The following CAP1 variants were observed in gnomAD, a reference collection of about 807,000 sequenced individuals.
CAP1 encodes adenylyl cyclase-associated protein 1.
A neutral mutation model predicts 58.2 loss-of-function variants in CAP1; 11 were observed. That is an observed-to-expected ratio of 0.19 (90% confidence interval 0.12 to 0.31). CAP1 has a LOEUF of 0.31. CAP1 is among the 10% of genes least tolerant of loss of function. The pLI is 1.00. For synonymous variants in CAP1, 183 were observed against 213.8 expected (o/e 0.86, Z 1.26); for missense variants, 423 against 587.5 (o/e 0.72, Z 2.89).
chr1:40,043,424 C>CT (rs34430942), intron 1 of CAP1, among the ~76,000 whole-genome samples: 18,055 of 152,038 alleles, frequency 0.12, 1,193 homozygotes, highest in East Asian at 0.23. Flanking sequence ...TTTCGAACTC[C>CT]TGACCTCGTG....
At chr1:40,064,053 C>T (rs1337506575) in intron 4 of CAP1, among the ~76,000 whole-genome samples, 174 bp from the exon 5 acceptor site, 1 of 152,110 alleles carries the variant, frequency 6.6e-6, no homozygotes, top group Non-Finnish European at 1.5e-5. Flanking sequence ...TGGAACTCTA[C>T]GAGGAGAGTG....
In CAP1 at chr1:40,061,787, C is replaced by T. The variant is rs556423960; in HGVS notation, c.269C>T (p.Ala90Val). ...TTGGAGCGAGCTCTGTTGGTTACAG[C>T]TTCTCAGTGTCAACAGCCAGCAGAA... ...LKLERALLVTASQCQQPAENK... is the reference protein window; with the variant it reads ...LKLERALLVTVSQCQQPAENK... The change falls in exon 4 of 13, where the codon GCT becomes GTT. Residue 90 changes from alanine (A) to valine (V), a missense_variant. Physicochemically the swap from Ala to Val is moderately conservative, Grantham distance 64. Coordinates refer to ENST00000372805, the MANE Select transcript of CAP1 (RefSeq NM_006367.4). 2.5e-6 allele frequency: 4 copies of T among 1,614,072 alleles called. No individual in the cohort carries two copies. In the African/African-American group the frequency reaches 5.3e-5, roughly 22 times the overall value.
At chr1:40,049,239 T>G (rs1646249324) in intron 1 of CAP1, among the ~76,000 whole-genome samples, 1 of 129,900 alleles carries the variant, frequency 7.7e-6, no homozygotes, top group South Asian at 2.6e-4. Context: ...CAGGCTGGAG[T>G]GCAGTGGCGC....
intron 1 of CAP1, among the ~76,000 whole-genome samples, chr1:40,056,308 T>TTC (rs1186425404): frequency 6.6e-6 from 1 of 151,502 alleles, no homozygotes. Flanking sequence ...GGATTTTTTT[T>TTC]TTTTTGGAGA....
chr1:40,069,536 A>G, intron 8 of CAP1, 154 bp from the exon 9 acceptor site: 1 of 658,496 alleles, frequency 1.5e-6, no homozygotes, highest in Non-Finnish European at 2.7e-6. Context: ...GAGAAGAGAA[A>G]TGATAAAAGT....
In CAP1 at chr1:40,070,482, G is replaced by C. The variant is rs1450513855; in HGVS notation, c.1170G>C (p.Glu390Asp). The change falls in exon 11 of 13, where the codon GAG becomes GAC. Residue 390 changes from glutamate to aspartate, a missense_variant. Coordinates refer to ENST00000372805, the MANE Select transcript of CAP1 (RefSeq NM_006367.4). Reference sequence around the variant, plus strand: ...TCGATGACGTGGTGGGCATTGTGGAGATAATCAACAGTAAGGATGTCAAAG... The same window carrying C: ...TCGATGACGTGGTGGGCATTGTGGACATAATCAACAGTAAGGATGTCAAAG... ...LVFDDVVGIV[E>D]IINSKDVKVQ... The C allele has an allele frequency of 6.2e-7, 1 of 1,614,102 alleles. No homozygotes were observed. The highest frequency in any genetic ancestry group is 1.3e-5 in the African/African-American group (1 of 75,040).
chr1:40,068,335 A>G (rs553978531), intron 8 of CAP1, among the ~76,000 whole-genome samples: 1 of 152,092 alleles, frequency 6.6e-6, no homozygotes, highest in African/African-American at 2.4e-5. Context: ...CAATGGCGCG[A>G]TCTCGGCTCA....
At chr1:40,055,511 G>T (rs567239099) in intron 1 of CAP1, among the ~76,000 whole-genome samples, 1 of 152,086 alleles carries the variant, frequency 6.6e-6, no homozygotes, top group South Asian at 2.1e-4. Flanking sequence ...GTGAAGTCTT[G>T]ATATCCTTTT....
At chr1:40,050,123 A>G (rs958139331) in intron 1 of CAP1, among the ~76,000 whole-genome samples, 1 of 152,114 alleles carries the variant, frequency 6.6e-6, no homozygotes, top group Non-Finnish European at 1.5e-5. Flanking sequence ...CTAATTGCTA[A>G]TTGAAAGGAC....
intron 1 of CAP1, among the ~76,000 whole-genome samples, chr1:40,045,323 C>A (rs887476775): frequency 6.6e-6 from 1 of 152,144 alleles, no homozygotes; most frequent in Non-Finnish European, 1.5e-5. Context: ...GGCCCCATAG[C>A]CATACTTAGC....
At chr1:40,066,498 A>C (rs1182575955) in intron 7 of CAP1, among the ~76,000 whole-genome samples, 178 bp downstream of exon 7, 1 of 152,230 alleles carries the variant, frequency 6.6e-6, no homozygotes. Flanking sequence ...GGAAGCAAGG[A>C]TCAGAGGAGA....
In CAP1 at chr1:40,064,386, T is replaced by G; in HGVS notation, c.438+16T>G. 1 of 1,614,038 alleles carries G rather than the reference T, an allele frequency of 6.2e-7. No individual in the cohort carries two copies. Among genetic ancestry groups the G allele is most frequent in the Non-Finnish European group, 8.5e-7 (1 of 1,179,982 alleles). On this transcript the variant is annotated intron_variant, in intron 5 of 12. Transcript: ENST00000372805. ...GGTGGCTATGGTGAGCAGCGCAGAT[T>G]CCAGGGCTGGGGGTGGGTATAGATT...
At chr1:40,064,581 T>C (rs2124392669) in intron 6 of CAP1, 22 bp downstream of exon 6, 1 of 1,574,858 alleles carries the variant, frequency 6.3e-7, no homozygotes. Context: ...CTTTTCTCTC[T>C]TTTTTTCTTT....
intron 9 of CAP1, 86 bp from the exon 10 acceptor site, chr1:40,070,073 G>C (rs1647567223): frequency 1.9e-6 from 3 of 1,579,380 alleles, no homozygotes; most frequent in Admixed American, 1.7e-5. Context: ...GGCTTCAATT[G>C]CAAGAACAAA....
intron 3 of CAP1, among the ~76,000 whole-genome samples, chr1:40,061,458 A>G (rs1349895518): frequency 2.0e-5 from 3 of 152,218 alleles, no homozygotes; most frequent in African/African-American, 4.8e-5. Context: ...CGGTATCACA[A>G]TGCATGTGTA....
At chr1:40,041,842 A>T (rs939671892) in intron 1 of CAP1, among the ~76,000 whole-genome samples, 3 of 152,210 alleles carry the variant, frequency 2.0e-5, no homozygotes, top group African/African-American at 7.2e-5. Flanking sequence ...GTTCAGGAAA[A>T]GCCCTTCTGA....
intron 1 of CAP1, among the ~76,000 whole-genome samples, chr1:40,059,132 T>C (rs764722689): frequency 1.3e-5 from 2 of 152,148 alleles, no homozygotes; most frequent in African/African-American, 2.4e-5. Flanking sequence ...TGAGGTCTTT[T>C]GATTTTGTAA....
At chr1:40,056,319 C>T (rs1273885821) in intron 1 of CAP1, among the ~76,000 whole-genome samples, 4 of 145,378 alleles carry the variant, frequency 2.8e-5, no homozygotes, top group African/African-American at 1.0e-4. Context: ...TTTTTGGAGA[C>T]AGGGTCTCAC....
At position 40,066,247 on chromosome 1, in the gene CAP1, A is replaced by G. The variant is rs766704005; in HGVS notation, c.557A>G (p.Tyr186Cys). ...DKKHVDWVKA[Y>C]LSIWTELQAY... ...AAGCATGTAGACTGGGTCAAAGCTT[A>G]TTTAAGTATATGGACAGAGCTGCAG... Residue 186 changes from tyrosine (Y) to cysteine (C), a missense_variant, in exon 7 of 13, where the codon TAT becomes TGT. Tyr to Cys is a radical substitution (Grantham distance 194). Transcript: ENST00000372805. The G allele has an allele frequency of 6.2e-7, 1 of 1,610,096 alleles. No homozygotes were observed. The highest frequency in any genetic ancestry group is 2.2e-5 in the East Asian group (1 of 44,858).
Sources: gnomAD v4.1 joint callset for allele counts (sites outside exome capture counted in the v4.1 genomes callset) on GRCh38, gnomAD v4.1.1 for gene constraint, MANE v1.5 for transcripts, NCBI Gene and HGNC (gene_info 2026-07-23, HGNC 2026-07-21) for gene names.